The following KRABD5 variants were observed in gnomAD, a reference collection of about 807,000 sequenced individuals.
KRABD5 encodes KRAB domain-containing protein 5.
At chr16:31,760,761 A>C in the KRABD5 span, 1 of 152,162 alleles carries the variant, frequency 6.6e-6, no homozygotes, top group Non-Finnish European at 1.5e-5. Flanking sequence ...AGAATTTGCA[A>C]ATGTGAGAAT....
the KRABD5 span, among the ~76,000 whole-genome samples, chr16:31,716,124 A>G: frequency 2.6e-5 from 4 of 152,010 alleles, no homozygotes; most frequent in African/African-American, 9.7e-5. Flanking sequence ...TTCCTGCCAA[A>G]ATTCCCATAC....
chr16:31,746,533 T>C, the KRABD5 span, among the ~76,000 whole-genome samples: 1 of 152,212 alleles, frequency 6.6e-6, no homozygotes, highest in Non-Finnish European at 1.5e-5. Flanking sequence ...CCTTTCTTTC[T>C]GGCTGCCCTT....
the KRABD5 span, among the ~76,000 whole-genome samples, chr16:31,725,036 A>G: frequency 6.6e-6 from 1 of 152,224 alleles, no homozygotes; most frequent in Admixed American, 6.5e-5. Flanking sequence ...ATTATGCTGA[A>G]TAATATTCCA....
chr16:31,736,846 T>G, the KRABD5 span, among the ~76,000 whole-genome samples: 1 of 152,176 alleles, frequency 6.6e-6, no homozygotes, highest in East Asian at 1.9e-4. Flanking sequence ...TTCCAATATA[T>G]AAACACAATA....
chr16:31,727,728 G>C, the KRABD5 span, among the ~76,000 whole-genome samples: 1 of 151,864 alleles, frequency 6.6e-6, no homozygotes, highest in African/African-American at 2.4e-5. Context: ...TTTAATCTTG[G>C]TGAGTCATTC....
the KRABD5 span, among the ~76,000 whole-genome samples, chr16:31,729,819 T>G: frequency 6.6e-6 from 1 of 152,086 alleles, no homozygotes; most frequent in South Asian, 2.1e-4. Flanking sequence ...TTTTTTTTTC[T>G]CTAGTGGTTA....
the KRABD5 span, chr16:31,714,341 T>A: frequency 2.2e-6 from 1 of 456,196 alleles, no homozygotes; most frequent in Non-Finnish European, 4.4e-6. Context: ...TTTGAGTGAT[T>A]TTGCTATTTT....
chr16:31,733,603 A>C, the KRABD5 span: 4 of 456,100 alleles, frequency 8.8e-6, no homozygotes. Flanking sequence ...TGTTTCTATG[A>C]GTTTGGCTAC....
At chr16:31,715,892 C>G in the KRABD5 span, among the ~76,000 whole-genome samples, 5 of 152,186 alleles carry the variant, frequency 3.3e-5, no homozygotes, top group Admixed American at 2.0e-4. Flanking sequence ...GACTGTCACC[C>G]TACACATTGT....
the KRABD5 span, chr16:31,714,360 C>G: frequency 4.4e-6 from 2 of 456,232 alleles, no homozygotes; most frequent in Non-Finnish European, 8.8e-6. Context: ...TTCCTGAAAC[C>G]TGTTAGGTCA....
At chr16:31,760,429 G>A in the KRABD5 span, 5 of 96,428 alleles carry the variant, frequency 5.2e-5, no homozygotes, top group Non-Finnish European at 1.0e-4. Flanking sequence ...CTACTCCAGG[G>A]ATTTTGATTT....
chr16:31,722,294 C>T, the KRABD5 span, among the ~76,000 whole-genome samples: 1 of 152,098 alleles, frequency 6.6e-6, no homozygotes, highest in Non-Finnish European at 1.5e-5. Flanking sequence ...AGGCTAGTCT[C>T]GAACTTAGGT....
chr16:31,759,359 A>G, the KRABD5 span: 10 of 1,507,144 alleles, frequency 6.6e-6, no homozygotes, highest in Non-Finnish European at 8.0e-6. Context: ...TATTCCAGGC[A>G]AAATAATCCT....
chr16:31,729,834 A>G, the KRABD5 span, among the ~76,000 whole-genome samples: 1 of 151,286 alleles, frequency 6.6e-6, no homozygotes, highest in Admixed American at 6.6e-5. Context: ...TGGTTATAAG[A>G]CTTACATAAA....
the KRABD5 span, among the ~76,000 whole-genome samples, chr16:31,728,020 TA>T: frequency 6.6e-6 from 1 of 152,130 alleles, no homozygotes; most frequent in East Asian, 1.9e-4. Flanking sequence ...CATGCTCAGC[TA>T]ATTTTTGTAT....
At chr16:31,747,504 C>G in the KRABD5 span, among the ~76,000 whole-genome samples, 6 of 152,182 alleles carry the variant, frequency 3.9e-5, no homozygotes, top group African/African-American at 1.4e-4. Flanking sequence ...GGTATATACC[C>G]AGTAATGGGA....
At chr16:31,747,052 C>A in the KRABD5 span, among the ~76,000 whole-genome samples, 2 of 151,720 alleles carry the variant, frequency 1.3e-5, no homozygotes, top group Non-Finnish European at 2.9e-5. Context: ...AGGTTTGTTA[C>A]ACATGTATAC....
At chr16:31,722,626 G>C in the KRABD5 span, 3 of 1,612,332 alleles carry the variant, frequency 1.9e-6, no homozygotes, top group Non-Finnish European at 2.5e-6. Flanking sequence ...TTTATTTCAG[G>C]GACTGTTGAC....
At chr16:31,741,237 T>C in the KRABD5 span, among the ~76,000 whole-genome samples, 1 of 152,202 alleles carries the variant, frequency 6.6e-6, no homozygotes, top group East Asian at 1.9e-4. Context: ...GCTGATTCCA[T>C]GTTTTTGCTA....
Sources: gnomAD v4.1 joint callset for allele counts (sites outside exome capture counted in the v4.1 genomes callset) on GRCh38, gnomAD v4.1.1 for gene constraint, MANE v1.5 for transcripts, NCBI Gene and HGNC (gene_info 2026-07-23, HGNC 2026-07-21) for gene names.